NRXN1: variants seen among roughly 807,000 people sequenced by gnomAD.
NRXN1 encodes neurexin 1.
A neutral mutation model predicts 150.9 loss-of-function variants in NRXN1; 39 were observed. The observed-to-expected ratio is 0.26, with a 90% CI of 0.20 to 0.34. The LOEUF (loss-of-function observed/expected upper bound fraction) is 0.34. NRXN1 is among the 10% of genes least tolerant of loss of function. The pLI, the probability that NRXN1 is intolerant of heterozygous loss-of-function variation, is 1.00. For synonymous variants in NRXN1, 924 were observed against 757.0 expected (o/e 1.22, Z -3.62); for missense variants, 1,815 against 1,949.9 (o/e 0.93, Z 1.30).
intron 17 of NRXN1, among the ~76,000 whole-genome samples, chr2:50,265,790 C>A (rs1054052174): frequency 1.3e-5 from 2 of 152,034 alleles, no homozygotes; most frequent in Non-Finnish European, 2.9e-5. Context: ...TAAGCAAATA[C>A]ATTTCACCCA....
rs368204949 is a variant in NRXN1 at position 49,991,950 on chromosome 2, T to G, written c.4129-48159A>C. On this transcript the variant is annotated intron_variant, in intron 21 of 22. Transcript: ENST00000401669. ...ACAGACCTAGATAAATATAATCAACTGATCTTTGATATAGAGCAAAGGTTA... is the reference window on the plus strand; with the variant it reads ...ACAGACCTAGATAAATATAATCAACGGATCTTTGATATAGAGCAAAGGTTA... 1.9e-4 allele frequency among the ~76,000 whole-genome samples: 29 copies of G among 152,342 alleles called. 1 individual carries two copies. In the East Asian group the frequency reaches 3.7e-3, roughly 19 times the overall value.
intron 5 of NRXN1, among the ~76,000 whole-genome samples, chr2:50,903,483 A>G (rs1369174166): frequency 2.6e-5 from 4 of 152,164 alleles, no homozygotes. Context: ...TTATAGAAGT[A>G]TTCTGGGGGA....
At chr2:50,253,858 T>C (rs557890919) in intron 17 of NRXN1, among the ~76,000 whole-genome samples, 3 of 129,494 alleles carry the variant, frequency 2.3e-5, no homozygotes, top group African/African-American at 9.0e-5. Context: ...ATCCAGGATA[T>C]TGACCTGAAG....
At chr2:50,647,813 G>T (rs1024948725) in intron 5 of NRXN1, among the ~76,000 whole-genome samples, 1 of 151,910 alleles carries the variant, frequency 6.6e-6, no homozygotes, top group Non-Finnish European at 1.5e-5. Context: ...TTTGTAGTCA[G>T]TAAAAATCAT....
At chr2:50,280,294 A>AC (rs1237809195) in intron 17 of NRXN1, among the ~76,000 whole-genome samples, 15 of 149,318 alleles carry the variant, frequency 1.0e-4, no homozygotes, top group Admixed American at 9.4e-4. Context: ...AAAAAAAAAA[A>AC]CAGATATATT....
chr2:50,353,115 G>C (rs558455289), intron 17 of NRXN1, among the ~76,000 whole-genome samples: 54 of 152,058 alleles, frequency 3.6e-4, no homozygotes, highest in Non-Finnish European at 6.0e-4. Flanking sequence ...ACTTGGAAAC[G>C]TGACTAGATT....
At chr2:50,210,852 G>T (rs1471653650) in intron 18 of NRXN1, among the ~76,000 whole-genome samples, 1 of 151,302 alleles carries the variant, frequency 6.6e-6, no homozygotes, top group African/African-American at 2.4e-5. Flanking sequence ...TCAAATAAAA[G>T]ATATATTTAG....
At chr2:50,832,848 A>T (rs777206155) in intron 5 of NRXN1, among the ~76,000 whole-genome samples, 5 of 152,226 alleles carry the variant, frequency 3.3e-5, no homozygotes, top group Non-Finnish European at 7.3e-5. Flanking sequence ...GAAATGCTAA[A>T]CATCATCAAA....
intron 2 of NRXN1, chr2:51,009,130 T>C (rs1165827313): frequency 2.0e-5 from 3 of 151,894 alleles, no homozygotes; most frequent in African/African-American, 7.2e-5. Flanking sequence ...TGCCCTAATT[T>C]CAAGGAGCTG....
intron 17 of NRXN1, among the ~76,000 whole-genome samples, chr2:50,350,405 A>G (rs905205917): frequency 2.0e-5 from 3 of 152,178 alleles, no homozygotes; most frequent in African/African-American, 7.2e-5. Context: ...TGCTAAAAAG[A>G]CCTAAAATAG....
intron 18 of NRXN1, among the ~76,000 whole-genome samples, chr2:50,114,577 T>A (rs1490698772): frequency 6.6e-6 from 1 of 152,138 alleles, no homozygotes; most frequent in Non-Finnish European, 1.5e-5. Context: ...AGCAGCTTTA[T>A]TCAAAATTGC....
At chr2:50,539,994 C>T (rs1352322182) in intron 9 of NRXN1, among the ~76,000 whole-genome samples, 1 of 152,174 alleles carries the variant, frequency 6.6e-6, no homozygotes, top group Non-Finnish European at 1.5e-5. Flanking sequence ...CTGATGTGCC[C>T]AGGAGTATTC....
intron 18 of NRXN1, among the ~76,000 whole-genome samples, chr2:50,132,454 C>T (rs540218954): frequency 7.6e-4 from 115 of 151,888 alleles, no homozygotes; most frequent in Non-Finnish European, 1.4e-3. Flanking sequence ...TACAAGGGCC[C>T]GCCACCACAC....
At chr2:50,911,602 T>C (rs1684531325) in intron 5 of NRXN1, among the ~76,000 whole-genome samples, 1 of 151,926 alleles carries the variant, frequency 6.6e-6, no homozygotes, top group Admixed American at 6.6e-5. Flanking sequence ...ATTATCATCA[T>C]CCTTTTCCAT....
At chr2:50,402,085 G>A (rs993930390) in intron 17 of NRXN1, among the ~76,000 whole-genome samples, 11 of 152,074 alleles carry the variant, frequency 7.2e-5, no homozygotes, top group African/African-American at 2.4e-4. Context: ...AAGACCCAGA[G>A]GAACTCAGAC....
At chr2:50,518,863 T>C (rs373893290) in intron 12 of NRXN1, among the ~76,000 whole-genome samples, 5 of 151,892 alleles carry the variant, frequency 3.3e-5, no homozygotes, top group East Asian at 1.9e-4. Context: ...CTCAGTATTT[T>C]TGAGATATTC....
intron 18 of NRXN1, among the ~76,000 whole-genome samples, chr2:50,135,827 T>C (rs1009269185): frequency 1.3e-5 from 2 of 152,214 alleles, no homozygotes; most frequent in East Asian, 1.9e-4. Context: ...GATTCGCTAA[T>C]TGGTTTTCAG....
chr2:50,734,943 C>T (rs1472014726), intron 5 of NRXN1, among the ~76,000 whole-genome samples: 2 of 152,082 alleles, frequency 1.3e-5, no homozygotes, highest in Non-Finnish European at 2.9e-5. Context: ...TTAATATGCA[C>T]CAAGACCAAT....
intron 17 of NRXN1, among the ~76,000 whole-genome samples, chr2:50,409,854 TC>T (rs1424992580): frequency 1.3e-5 from 2 of 152,240 alleles, no homozygotes; most frequent in Non-Finnish European, 2.9e-5. Flanking sequence ...AGTGGACACA[TC>T]TTTTGTAACT....
Sources: gnomAD v4.1 joint callset for allele counts (sites outside exome capture counted in the v4.1 genomes callset) on GRCh38, gnomAD v4.1.1 for gene constraint, MANE v1.5 for transcripts, NCBI Gene and HGNC (gene_info 2026-07-23, HGNC 2026-07-21) for gene names.